ARHGAP22: variants seen among roughly 807,000 people sequenced by gnomAD.
ARHGAP22 encodes Rho GTPase activating protein 22, also known as rho GTPase-activating protein 22.
ARHGAP22 carries 48 observed loss-of-function variants against 59.1 expected under a neutral mutation model. That is an observed-to-expected ratio of 0.81 (90% CI 0.64 to 1.03). The LOEUF (loss-of-function observed/expected upper bound fraction) is 1.03, where lower values mean the gene tolerates loss of function less well. Among genes scored for constraint, ARHGAP22 ranks in the 50% least tolerant of loss-of-function variants. The probability of loss-of-function intolerance (pLI) is 0.00; values close to 1 mark genes in which losing one functional copy is unlikely to be tolerated. For missense variants in ARHGAP22, 1,015 were observed against 958.7 expected, an observed-to-expected ratio of 1.06 and a Z score of -0.78; for synonymous variants, 445 against 416.4, an observed-to-expected ratio of 1.07 and a Z score of -0.84.
chr10:48,585,374 C>A (rs1309420640), intron 1 of ARHGAP22, among the ~76,000 whole-genome samples: 2 of 152,168 alleles, frequency 1.3e-5, no homozygotes, highest in Non-Finnish European at 2.9e-5. Flanking sequence ...TAACATTGGC[C>A]CCCTGATCCC....
the ARHGAP22 span, among the ~76,000 whole-genome samples, chr10:48,431,894 G>A: frequency 5.3e-5 from 8 of 152,050 alleles, no homozygotes; most frequent in African/African-American, 1.7e-4. Context: ...AGACACTAGT[G>A]GTTTATATAC....
chr10:48,565,925 G>T (rs943335710), intron 2 of ARHGAP22, among the ~76,000 whole-genome samples: 1 of 152,194 alleles, frequency 6.6e-6, no homozygotes, highest in Non-Finnish European at 1.5e-5. Flanking sequence ...TCCTAGCATG[G>T]TGAAGGCAGG....
chr10:48,466,382 C>T (rs547622374), intron 4 of ARHGAP22, among the ~76,000 whole-genome samples: 1 of 152,000 alleles, frequency 6.6e-6, no homozygotes, highest in Non-Finnish European at 1.5e-5. Flanking sequence ...ACGACCCTCG[C>T]CCCCTGGGAA....
intron 3 of ARHGAP22, chr10:48,493,736 G>A (rs574061186): frequency 3.4e-5 from 38 of 1,131,908 alleles, no homozygotes; most frequent in Middle Eastern, 3.1e-4. Flanking sequence ...TGGGATCCCC[G>A]CCAGTGGGAG....
chr10:48,587,554 C>G (rs968037623), intron 1 of ARHGAP22, among the ~76,000 whole-genome samples: 10 of 152,170 alleles, frequency 6.6e-5, no homozygotes, highest in African/African-American at 2.4e-4. Context: ...TGAGGAGTCT[C>G]TGGAGCTGAT....
intron 4 of ARHGAP22, 153 bp downstream of exon 4, chr10:48,479,483 C>T (rs940900873): frequency 2.8e-6 from 4 of 1,423,614 alleles, no homozygotes; most frequent in South Asian, 1.4e-5. Context: ...CTCCCGAGGG[C>T]TGGCAGTGGA....
At chr10:48,549,393 C>A (rs1264272527) in intron 3 of ARHGAP22, among the ~76,000 whole-genome samples, 1 of 152,190 alleles carries the variant, frequency 6.6e-6, no homozygotes, top group Non-Finnish European at 1.5e-5. Flanking sequence ...TCCTGCCTTT[C>A]TTGACCATGG....
chr10:48,499,462 G>A (rs1039310851), intron 3 of ARHGAP22, among the ~76,000 whole-genome samples: 6 of 152,256 alleles, frequency 3.9e-5, no homozygotes, highest in African/African-American at 1.4e-4. Context: ...AATGAGAACA[G>A]GTGGCTTCTT....
chr10:48,629,722 A>G (rs1192481642), intron 1 of ARHGAP22, among the ~76,000 whole-genome samples: 1 of 152,244 alleles, frequency 6.6e-6, no homozygotes, highest in Non-Finnish European at 1.5e-5. Flanking sequence ...CAGTGTGCCA[A>G]TACCTATAAA....
chr10:48,484,198 C>T (rs370351897), intron 3 of ARHGAP22, among the ~76,000 whole-genome samples: 1 of 152,100 alleles, frequency 6.6e-6, no homozygotes, highest in Non-Finnish European at 1.5e-5. Context: ...TGCTGAGCCA[C>T]GTTTTTATTG....
intron 4 of ARHGAP22, among the ~76,000 whole-genome samples, chr10:48,460,747 T>A (rs56260315): frequency 0.9 from 137,336 of 151,932 alleles, 63,522 homozygotes; most frequent in East Asian, 1. Flanking sequence ...ATGAATGGAG[T>A]ACCAAGACGT....
chr10:48,464,547 A>G (rs1334748381), intron 4 of ARHGAP22, among the ~76,000 whole-genome samples: 1 of 152,174 alleles, frequency 6.6e-6, no homozygotes, highest in Admixed American at 6.5e-5. Flanking sequence ...ATGATGGAGG[A>G]GCATGGGCGT....
intron 4 of ARHGAP22, among the ~76,000 whole-genome samples, chr10:48,465,391 C>T (rs1199097999): frequency 6.6e-6 from 1 of 152,254 alleles, no homozygotes; most frequent in Non-Finnish European, 1.5e-5. Flanking sequence ...CAGAGCAGTC[C>T]GCTGGCTCCA....
chr10:48,645,716 T>C (rs1057195176), intron 1 of ARHGAP22, among the ~76,000 whole-genome samples: 1 of 152,180 alleles, frequency 6.6e-6, no homozygotes, highest in African/African-American at 2.4e-5. Flanking sequence ...AAATACTGAA[T>C]GCTTTCCCCT....
intron 3 of ARHGAP22, among the ~76,000 whole-genome samples, chr10:48,534,652 C>A (rs1376074757): frequency 2.0e-5 from 3 of 152,214 alleles, no homozygotes; most frequent in Non-Finnish European, 4.4e-5. Flanking sequence ...TAAATTAACT[C>A]ATTAATCCCT....
At chr10:48,472,597 C>A (rs779015637) in intron 4 of ARHGAP22, among the ~76,000 whole-genome samples, 2 of 151,616 alleles carry the variant, frequency 1.3e-5, no homozygotes, top group Non-Finnish European at 2.9e-5. Context: ...GCCCAGGAAG[C>A]CTCTACCTTC....
At chr10:48,565,987 C>T (rs58163187) in intron 2 of ARHGAP22, among the ~76,000 whole-genome samples, 3,293 of 152,254 alleles carry the variant, frequency 0.022, 126 homozygotes, top group African/African-American at 0.076. Flanking sequence ...CTGCAGGGCC[C>T]GGGATGTCTG....
At chr10:48,509,955 T>C (rs2052582800) in intron 3 of ARHGAP22, among the ~76,000 whole-genome samples, 2 of 152,350 alleles carry the variant, frequency 1.3e-5, no homozygotes, top group East Asian at 3.9e-4. Context: ...CCATTCTGGA[T>C]ACTTGGAAGA....
intron 2 of ARHGAP22, 89 bp downstream of exon 2, chr10:48,582,864 T>C (rs768307185): frequency 8.1e-5 from 119 of 1,467,756 alleles, no homozygotes; most frequent in Non-Finnish European, 1.0e-4. Flanking sequence ...TCAGTGGCTC[T>C]GTGCCTTCCT....
Sources: allele counts gnomAD v4.1 joint callset (sites outside exome capture counted in the v4.1 genomes callset), GRCh38; gene constraint gnomAD v4.1.1; transcripts MANE v1.5; gene names NCBI Gene and HGNC (gene_info 2026-07-23, HGNC 2026-07-21).